Variants in STK31 observed in about 807,000 individuals in gnomAD.
STK31 encodes the protein serine/threonine kinase 31.
Under a neutral mutation model 129.7 loss-of-function variants are expected in STK31, and 89 were observed. The ratio of observed to expected loss-of-function variants is 0.69; its 90% CI spans 0.58 to 0.82. The LOEUF (loss-of-function observed/expected upper bound fraction) is 0.82. STK31 is among the 40% of genes least tolerant of loss of function. STK31 has a pLI of 0.00. For missense variants in STK31, 1,187 were observed against 1,176.4 expected, an observed-to-expected ratio of 1.01 and a Z score of -0.13; for synonymous variants, 448 against 395.3, an observed-to-expected ratio of 1.13 and a Z score of -1.58.
In STK31 at chr7:23,832,453, G is replaced by A; in HGVS notation, c.*87G>A. ...AATATCTAGAAATGTTCTGGGACTA[G>A]TTGAGTTGTATCTTTAGTATTCAGG... On this transcript the variant is annotated 3_prime_UTR_variant, in exon 24 of 24. Transcript: ENST00000355870. 1.1e-6 allele frequency: 1 copy of A among 945,420 alleles called. No homozygotes were observed. Among genetic ancestry groups the A allele is most frequent in the Non-Finnish European group, 1.6e-6 (1 of 619,876 alleles). The allele number at this position is 945,420 out of a possible 1,614,324, so 58.6% of individuals were successfully genotyped here. A position where few individuals can be genotyped will look rare whatever the true frequency, so the allele number is the denominator to read the frequency against.
intron 20 of STK31, 56 bp from the exon 21 acceptor site, chr7:23,787,924 C>T: frequency 6.9e-7 from 1 of 1,439,932 alleles, no homozygotes; most frequent in Non-Finnish European, 9.2e-7. Context: ...AGAACAGTTT[C>T]AAGATTAAAA....
At chr7:23,809,771 C>T (rs1792969117) in intron 22 of STK31, among the ~76,000 whole-genome samples, 1 of 152,176 alleles carries the variant, frequency 6.6e-6, no homozygotes, top group African/African-American at 2.4e-5. Flanking sequence ...AGTGCTCCTT[C>T]CCCAGTGCAA....
chr7:23,718,531 T>C (rs1358333282), intron 4 of STK31, among the ~76,000 whole-genome samples: 1 of 152,158 alleles, frequency 6.6e-6, no homozygotes, highest in Non-Finnish European at 1.5e-5. Context: ...ATCAGAGGTA[T>C]AACCCTCATT....
At chr7:23,742,538 G>A (rs890228046) in intron 8 of STK31, among the ~76,000 whole-genome samples, 6 of 152,164 alleles carry the variant, frequency 3.9e-5, no homozygotes, top group African/African-American at 1.4e-4. Flanking sequence ...CCATATGTGA[G>A]GTGTGAGGCC....
chr7:23,797,976 A>G (rs1792084162), intron 22 of STK31, among the ~76,000 whole-genome samples: 1 of 152,210 alleles, frequency 6.6e-6, no homozygotes, highest in Non-Finnish European at 1.5e-5. Context: ...AAACACCTCT[A>G]TGCAAATCAA....
At chr7:23,795,121 G>T (rs12533472) in intron 22 of STK31, among the ~76,000 whole-genome samples, 10 of 152,130 alleles carry the variant, frequency 6.6e-5, no homozygotes, top group African/African-American at 2.4e-4. Flanking sequence ...AGAAAGCTTC[G>T]CAGCAGCCCT....
chr7:23,754,557 A>G, intron 10 of STK31, 83 bp downstream of exon 10: 1 of 1,442,706 alleles, frequency 6.9e-7, no homozygotes, highest in Non-Finnish European at 9.4e-7. Flanking sequence ...AAAAAAAATA[A>G]CAGGATACAT....
chr7:23,787,902 T>A, intron 20 of STK31, 78 bp from the exon 21 acceptor site: 1 of 1,377,852 alleles, frequency 7.3e-7, no homozygotes, highest in South Asian at 1.7e-5. Flanking sequence ...TCTAGAGCAG[T>A]CTTTTAATTA....
chr7:23,730,267 CATT>C (rs1264385103), intron 6 of STK31, among the ~76,000 whole-genome samples: 5 of 152,142 alleles, frequency 3.3e-5, no homozygotes, highest in Non-Finnish European at 5.9e-5. Flanking sequence ...ACAGTTTAAT[CATT>C]GTAAGCATTA....
chr7:23,815,278 C>G, intron 23 of STK31, 66 bp downstream of exon 23: 1 of 1,137,668 alleles, frequency 8.8e-7, no homozygotes, highest in Non-Finnish European at 1.2e-6. Context: ...AGATATCTGA[C>G]TGAAAGTTGT....
chr7:23,776,787 T>G (rs1198802729), intron 15 of STK31, among the ~76,000 whole-genome samples: 1 of 151,900 alleles, frequency 6.6e-6, no homozygotes, highest in Non-Finnish European at 1.5e-5. Flanking sequence ...ATTCATTGAT[T>G]TTTTTTTGAA....
chr7:23,799,744 C>A (rs562725095), intron 22 of STK31, among the ~76,000 whole-genome samples: 9 of 152,304 alleles, frequency 5.9e-5, no homozygotes, highest in Admixed American at 1.3e-4. Flanking sequence ...CAAATGGGAT[C>A]TAATTAAACT....
chr7:23,712,250 A>C lies in STK31; in HGVS notation c.114A>C (p.Gly38=). ...THYDKVEDVV[G]SHIEDAVTFW... ...TGATTTTAGTGGAAGATGTGGTTGG[A>C]AGTCACATAGAAGATGCAGTAACAT... Residue 38 remains glycine, a synonymous_variant, in exon 3 of 24, where the codon GGA becomes GGC. Coordinates refer to ENST00000355870, the MANE Select transcript of STK31 (RefSeq NM_031414.5). The C allele has an allele frequency of 6.2e-7, 1 of 1,614,116 alleles. No individual in the cohort carries two copies. Among genetic ancestry groups the C allele is most frequent in the Non-Finnish European group, 8.5e-7 (1 of 1,179,982 alleles).
intron 22 of STK31, among the ~76,000 whole-genome samples, chr7:23,811,931 A>G (rs1793159644): frequency 6.6e-6 from 1 of 152,198 alleles, no homozygotes; most frequent in African/African-American, 2.4e-5. Context: ...TGTCTTGAGT[A>G]TCAGATGGTG....
At chr7:23,713,163 G>A (rs570545069) in intron 3 of STK31, among the ~76,000 whole-genome samples, 7 of 152,252 alleles carry the variant, frequency 4.6e-5, no homozygotes, top group Non-Finnish European at 1.0e-4. Context: ...GGATGATATA[G>A]CCTACCACAT....
intron 22 of STK31, among the ~76,000 whole-genome samples, chr7:23,813,766 G>A (rs1186115917): frequency 6.6e-6 from 1 of 152,178 alleles, no homozygotes; most frequent in Non-Finnish European, 1.5e-5. Context: ...AGCTTCTTGA[G>A]CTGGGTGCTA....
At chr7:23,762,026 A>G (rs1047985854) in intron 10 of STK31, among the ~76,000 whole-genome samples, 9 of 151,476 alleles carry the variant, frequency 5.9e-5, no homozygotes, top group African/African-American at 2.2e-4. Context: ...CCTAAAATTC[A>G]GGCTTTTAAG....
chr7:23,712,138 C>CGATAAAGG lies in STK31; in HGVS notation c.91_97+1dup, dbSNP rs1562539442. 1.2e-6 allele frequency: 2 copies of CGATAAAGG among 1,612,288 alleles called. No individual in the cohort carries two copies. The highest frequency in any genetic ancestry group is 1.7e-6 in the Non-Finnish European group (2 of 1,178,638). On this transcript the variant is annotated frameshift_variant, in exon 2 of 24. Coordinates refer to ENST00000355870, the MANE Select transcript of STK31 (RefSeq NM_031414.5). LOFTEE classifies it high-confidence loss of function. ...TTCAAATGGATGAAGATACACATTACGATAAAGGTACTGACACTAAAAATT... is the reference window on the plus strand; with the variant it reads ...TTCAAATGGATGAAGATACACATTACGATAAAGGGATAAAGGTACTGACACTAAAAATT...
intron 6 of STK31, among the ~76,000 whole-genome samples, chr7:23,730,878 A>ATATATATAT: frequency 1.7e-5 from 1 of 59,554 alleles, no homozygotes; most frequent in South Asian, 8.1e-4. Flanking sequence ...ATATATATAT[A>ATATATATAT]TTTTTTTTTT....
Sources: gnomAD v4.1 joint callset for allele counts (sites outside exome capture counted in the v4.1 genomes callset) on GRCh38, gnomAD v4.1.1 for gene constraint, MANE v1.5 for transcripts, NCBI Gene and HGNC (gene_info 2026-07-23, HGNC 2026-07-21) for gene names.